The following WIPI2 variants were observed in gnomAD, a reference collection of about 807,000 sequenced individuals.
The protein encoded by WIPI2 is WD repeat domain, phosphoinositide interacting 2.
A neutral mutation model predicts 52.3 loss-of-function variants in WIPI2; 28 were observed. That is an observed-to-expected ratio of 0.54 (90% CI 0.40 to 0.73). WIPI2 has a LOEUF of 0.73. WIPI2 is among the 30% of genes least tolerant of loss of function. WIPI2 has a pLI of 0.00. For synonymous variants in WIPI2, 268 were observed against 245.0 expected (o/e 1.09, Z -0.88); for missense variants, 506 against 602.9 (o/e 0.84, Z 1.68).
intron 3 of WIPI2, among the ~76,000 whole-genome samples, chr7:5,206,266 C>T (rs1269247053): frequency 6.6e-6 from 1 of 152,094 alleles, no homozygotes; most frequent in Non-Finnish European, 1.5e-5. Flanking sequence ...AGGATGCTTG[C>T]CTGTGTCCTT....
At chr7:5,228,340 C>A in intron 11 of WIPI2, 129 bp downstream of exon 11, 1 of 860,590 alleles carries the variant, frequency 1.2e-6, no homozygotes, top group Non-Finnish European at 1.7e-6. Flanking sequence ...CACAGCGGCC[C>A]ATGCCGCGCA....
At chr7:5,211,698 A>C (rs974637432) in intron 3 of WIPI2, among the ~76,000 whole-genome samples, 1 of 152,208 alleles carries the variant, frequency 6.6e-6, no homozygotes, top group Non-Finnish European at 1.5e-5. Context: ...TACTTAATAA[A>C]AAACCAGTTT....
At chr7:5,206,780 C>CT (rs1355259953) in intron 3 of WIPI2, among the ~76,000 whole-genome samples, 6 of 151,976 alleles carry the variant, frequency 3.9e-5, no homozygotes, top group Non-Finnish European at 8.8e-5. Context: ...ATGTTTATTT[C>CT]TTTTTTTGAG....
At chr7:5,193,933 T>G (rs141556930) in intron 2 of WIPI2, among the ~76,000 whole-genome samples, 1 of 152,208 alleles carries the variant, frequency 6.6e-6, no homozygotes, top group Admixed American at 6.5e-5. Flanking sequence ...CTGCCTGCTA[T>G]GCAAAGGATA....
At chr7:5,198,910 C>T (rs1233063992) in intron 2 of WIPI2, among the ~76,000 whole-genome samples, 1 of 152,190 alleles carries the variant, frequency 6.6e-6, no homozygotes, top group Non-Finnish European at 1.5e-5. Context: ...AAATAGTTAC[C>T]TTTTTGTGAC....
chr7:5,227,336 G>A lies in WIPI2; in HGVS notation c.1005G>A (p.Ser335=), dbSNP rs768451585. 4.5e-5 allele frequency: 73 copies of A among 1,613,084 alleles called. No homozygotes were observed. The highest frequency in any genetic ancestry group is 1.6e-4 in the East Asian group (7 of 44,900). The part of the protein sequence containing the change: ...LPFCGHKNIC[S]LATIQKIPRL... ...TCTGCGGCCACAAAAACATCTGCTC[G>A]CTAGCCACGTGAGTAGAGCCGGCGC... is the stretch of plus-strand genomic sequence containing the variant. The change falls in exon 10 of 13, where the codon TCG becomes TCA. Residue 335 remains serine, a synonymous_variant. Coordinates refer to ENST00000288828, the MANE Select transcript of WIPI2 (RefSeq NM_015610.4). The surrounding 1 kb of genome is among the most constrained non-coding windows in gnomAD (Gnocchi z 8.1).
intron 2 of WIPI2, among the ~76,000 whole-genome samples, chr7:5,193,999 G>T (rs1191430448): frequency 6.6e-6 from 1 of 152,258 alleles, no homozygotes; most frequent in Non-Finnish European, 1.5e-5. Flanking sequence ...GCAGTGACCA[G>T]TGGGAAGGAG....
intron 3 of WIPI2, among the ~76,000 whole-genome samples, chr7:5,202,514 G>T (rs1782077341): frequency 6.6e-6 from 1 of 152,200 alleles, no homozygotes; most frequent in East Asian, 1.9e-4. Context: ...CTCCTGAGTA[G>T]CTGGGACCAC....
intron 11 of WIPI2, 70 bp downstream of exon 11, chr7:5,228,281 C>CG: frequency 7.2e-7 from 1 of 1,380,022 alleles, no homozygotes; most frequent in South Asian, 1.3e-5. Flanking sequence ...ACCTGGCGAA[C>CG]GTTTGTTTAT....
intron 9 of WIPI2, 92 bp downstream of exon 9, chr7:5,226,022 C>G: frequency 7.9e-7 from 1 of 1,258,646 alleles, no homozygotes; most frequent in Non-Finnish European, 1.1e-6. Flanking sequence ...GACCCGCCCA[C>G]CCTCTGACAT....
chr7:5,192,962 A>G (rs1363509150), intron 1 of WIPI2, among the ~76,000 whole-genome samples, 156 bp from the exon 2 acceptor site: 1 of 152,134 alleles, frequency 6.6e-6, no homozygotes, highest in African/African-American at 2.4e-5. Flanking sequence ...TTCTTTTTGT[A>G]TTTGTTACAT....
chr7:5,213,859 G>A (rs1424940939), intron 3 of WIPI2, among the ~76,000 whole-genome samples: 3 of 152,076 alleles, frequency 2.0e-5, no homozygotes, highest in South Asian at 2.1e-4. Context: ...CTGATTTTTT[G>A]TATTTTTAGT....
At chr7:5,210,642 T>TC (rs1242937525) in intron 3 of WIPI2, among the ~76,000 whole-genome samples, 1 of 152,152 alleles carries the variant, frequency 6.6e-6, no homozygotes, top group Admixed American at 6.5e-5. Context: ...AGTAAATAAG[T>TC]CAAGTTTTAC....
At chr7:5,217,658 C>CGTTCA (rs1185686736) in intron 6 of WIPI2, 1 of 474,494 alleles carries the variant, frequency 2.1e-6, no homozygotes, top group Non-Finnish European at 3.9e-6. Flanking sequence ...TCTGCTGCGG[C>CGTTCA]GTTCAGAGCA....
chr7:5,221,554 G>T (rs1028377237), intron 7 of WIPI2, among the ~76,000 whole-genome samples: 5 of 152,118 alleles, frequency 3.3e-5, no homozygotes, highest in African/African-American at 1.2e-4. Context: ...TATATCACTT[G>T]ATAGTATTCT....
intron 7 of WIPI2, among the ~76,000 whole-genome samples, chr7:5,220,323 A>G (rs1783050545): frequency 6.7e-6 from 1 of 149,972 alleles, no homozygotes; most frequent in Non-Finnish European, 1.5e-5. Context: ...GCTCACCACA[A>G]CCTCTGCCTC....
intron 1 of WIPI2, 89 bp from the exon 2 acceptor site, chr7:5,193,029 C>A: frequency 7.6e-7 from 1 of 1,309,722 alleles, no homozygotes; most frequent in Non-Finnish European, 1.1e-6. Flanking sequence ...CAATGTCGTA[C>A]TTTTTCATGA....
intron 6 of WIPI2, 123 bp from the exon 7 acceptor site, chr7:5,217,799 C>T (rs1782896395): frequency 2.2e-6 from 2 of 895,710 alleles, no homozygotes; most frequent in Admixed American, 4.2e-5. Flanking sequence ...GTGGGTTTGG[C>T]ATTTGTTTGG....
chr7:5,220,260 A>ATTT (rs1783045173), intron 7 of WIPI2, among the ~76,000 whole-genome samples: 1 of 95,630 alleles, frequency 1.0e-5, no homozygotes. Context: ...TTTTTTTTTG[A>ATTT]AACGGAGTCT....
Sources: allele counts gnomAD v4.1 joint callset (sites outside exome capture counted in the v4.1 genomes callset), GRCh38; gene constraint gnomAD v4.1.1; non-coding constraint Gnocchi (gnomAD v3.1); transcripts MANE v1.5; gene names NCBI Gene and HGNC (gene_info 2026-07-23, HGNC 2026-07-21).